S100A9: variants seen among roughly 807,000 people sequenced by gnomAD.
The protein encoded by S100A9 is S100 calcium binding protein A9, also known as protein S100-A9.
S100A9 carries 2 observed loss-of-function variants against 4.3 expected under a neutral mutation model. The observed-to-expected ratio is 0.47, with a 90% CI of 0.19 to 1.48. The LOEUF (loss-of-function observed/expected upper bound fraction) is 1.48, where lower values mean the gene tolerates loss of function less well. Ranked by LOEUF, S100A9 falls within the 40% of genes most tolerant of loss-of-function variation. The pLI, the probability that S100A9 is intolerant of heterozygous loss-of-function variation, is 0.24. For missense variants in S100A9, 130 were observed against 144.4 expected, an observed-to-expected ratio of 0.90 and a Z score of 0.51; for synonymous variants, 67 against 54.0, an observed-to-expected ratio of 1.24 and a Z score of -1.06.
At chr1:153,360,599 C>A (rs372883418) in intron 2 of S100A9, 45 bp from the exon 3 acceptor site, 15 of 1,390,436 alleles carry the variant, frequency 1.1e-5, no homozygotes, top group Non-Finnish European at 4.0e-6. Flanking sequence ...CAGTCCCCAC[C>A]TCTGGCCACA....
chr1:153,360,074 C>G (rs925707687), intron 2 of S100A9, among the ~76,000 whole-genome samples: 4 of 152,120 alleles, frequency 2.6e-5, no homozygotes, highest in African/African-American at 9.7e-5. Context: ...CTGCCCACAC[C>G]TAGTTTTTCT....
rs756359047 is a variant in S100A9, at chr1:153,360,795, C to T, written c.302C>T (p.Pro101Leu). The change falls in exon 3 of 3, where the codon CCT becomes CTT. Residue 101 changes from proline (P) to leucine (L), a missense_variant. Pro to Leu is a moderately conservative substitution (Grantham distance 98). Transcript: ENST00000368738. ...AAGATGCACGAGGGTGACGAGGGCC[C>T]TGGCCACCACCATAAGCCAGGCCTC... is the stretch of plus-strand genomic sequence containing the variant. Reference protein sequence around the residue: ...HEKMHEGDEGPGHHHKPGLGE... With the variant: ...HEKMHEGDEGLGHHHKPGLGE... 1 of 1,613,644 alleles carries T rather than the reference C, an allele frequency of 6.2e-7. No individual in the cohort carries two copies. Among genetic ancestry groups the T allele is most frequent in the African/African-American group, 1.3e-5 (1 of 75,036 alleles).
In S100A9 at chr1:153,360,834, C is replaced by G; in HGVS notation, c.341C>G (p.Pro114Arg). ...AAGCCAGGCCTCGGGGAGGGCACCC[C>G]CTAAGACCACAGTGGCCAAGATCAC... ...HHKPGLGEGT[P>R] Residue 114 changes from proline (P) to arginine (R), a missense_variant, in exon 3 of 3, where the codon CCC becomes CGC. Transcript: ENST00000368738. The G allele has an allele frequency of 6.3e-7, 1 of 1,598,688 alleles. No individual in the cohort carries two copies.
rs993345118 is a variant in S100A9 at position 153,358,289 on chromosome 1, T to C, written c.6T>C (p.Thr2=). 41 of 1,595,224 alleles carry C rather than the reference T, an allele frequency of 2.6e-5. No individual in the cohort carries two copies. Among genetic ancestry groups the C allele is most frequent in the Admixed American group, 1.0e-4 (6 of 58,174 alleles). The stretch of plus-strand genomic sequence containing the variant: ...CACAGACAGAGTGCAAGACGATGAC[T>C]TGCAAAATGTCGCAGCTGGAACGCA... The part of the protein sequence containing the change: M[T]CKMSQLERNI... The change falls in exon 2 of 3, where the codon ACT becomes ACC. Residue 2 remains threonine, a synonymous_variant. Transcript: ENST00000368738.
At chr1:153,359,597 C>T (rs1661410924) in intron 2 of S100A9, among the ~76,000 whole-genome samples, 1 of 151,618 alleles carries the variant, frequency 6.6e-6, no homozygotes, top group Non-Finnish European at 1.5e-5. Flanking sequence ...GTGACTCAGC[C>T]AGAGGGTGGC....
chr1:153,360,284 C>A (rs1214286744), intron 2 of S100A9, among the ~76,000 whole-genome samples: 9 of 152,120 alleles, frequency 5.9e-5, no homozygotes, highest in Admixed American at 5.9e-4. Context: ...GGTTTCAAGT[C>A]TTCCTCCAGG....
chr1:153,357,963 T>C (rs1398192539), intron 1 of S100A9, 82 bp downstream of exon 1: 2 of 181,984 alleles, frequency 1.1e-5, no homozygotes, highest in African/African-American at 4.7e-5. Flanking sequence ...TCCTTCCAAA[T>C]CCTCCTCCTA....
At position 153,358,260 on chromosome 1, in the gene S100A9, A is replaced by G; in HGVS notation, c.-15-9A>G. ...TAAGTGTCCCAACTCTTGGTTTTCC[A>G]TTACACAGACAGAGTGCAAGACGAT... On this transcript the variant is annotated splice_polypyrimidine_tract_variant and intron_variant, in intron 1 of 2. Coordinates refer to ENST00000368738, the MANE Select transcript of S100A9 (RefSeq NM_002965.4). 1 of 1,529,170 alleles carries G rather than the reference A, an allele frequency of 6.5e-7. No individual in the cohort carries two copies. Among genetic ancestry groups the G allele is most frequent in the Non-Finnish European group, 8.9e-7 (1 of 1,128,268 alleles). The allele number at this position is 1,529,170 out of a possible 1,614,324, so 94.7% of individuals were successfully genotyped here. A position where few individuals can be genotyped will look rare whatever the true frequency, so the allele number is the denominator to read the frequency against.
Position 153,360,997 on chromosome 1 carries a change from G to A in S100A9, c.*159G>A. Reference sequence around the variant, plus strand: ...TGTCTTGGCTGTGGGGCTAGGGGCTGGGGCCAAATAAAGTCTCTTCCTCCA... The same window carrying A: ...TGTCTTGGCTGTGGGGCTAGGGGCTAGGGCCAAATAAAGTCTCTTCCTCCA... On this transcript the variant is annotated 3_prime_UTR_variant, in exon 3 of 3. Coordinates refer to ENST00000368738, the MANE Select transcript of S100A9 (RefSeq NM_002965.4). The A allele has an allele frequency of 1.7e-6, 1 of 601,288 alleles. No individual in the cohort carries two copies. The highest frequency in any genetic ancestry group is 2.9e-6 in the Non-Finnish European group (1 of 339,792). 37.2% of individuals were successfully genotyped at this position (601,288 alleles called of 1,614,324 possible).
In S100A9 at chr1:153,358,386, G is replaced by A; in HGVS notation, c.103G>A (p.Gly35Arg). 3 of 1,613,164 alleles carry A rather than the reference G, an allele frequency of 1.9e-6. No homozygotes were observed. Among genetic ancestry groups the A allele is most frequent in the Non-Finnish European group, 2.5e-6 (3 of 1,179,424 alleles). Residue 35 changes from glycine to arginine, a missense_variant, in exon 2 of 3, where the codon GGG becomes AGG. Coordinates refer to ENST00000368738, the MANE Select transcript of S100A9 (RefSeq NM_002965.4). ...KLGHPDTLNQGEFKELVRKDL... is the reference protein window; with the variant it reads ...KLGHPDTLNQREFKELVRKDL... ...GGGGCACCCAGACACCCTGAACCAGGGGGAATTCAAAGAGCTGGTGCGAAA... is the reference window on the plus strand; with the variant it reads ...GGGGCACCCAGACACCCTGAACCAGAGGGAATTCAAAGAGCTGGTGCGAAA...
At position 153,360,935 on chromosome 1, in the gene S100A9, C is replaced by T. The variant is rs901418337; in HGVS notation, c.*97C>T. The T allele has an allele frequency of 3.8e-4, 364 of 963,884 alleles. No homozygotes were observed. The highest frequency in any genetic ancestry group is 5.2e-4 in the Non-Finnish European group (343 of 659,654). 59.7% of individuals were successfully genotyped at this position (963,884 alleles called of 1,614,324 possible). A position where few individuals can be genotyped will look rare whatever the true frequency, so the allele number is the denominator to read the frequency against. ...ATCAGGAGGCCAGGCCACCCTGCCT[C>T]TACCCAACCAGGGCCCCGGGGCCTG... On this transcript the variant is annotated 3_prime_UTR_variant, in exon 3 of 3. Coordinates refer to ENST00000368738, the MANE Select transcript of S100A9 (RefSeq NM_002965.4).
At chr1:153,358,609 C>G (rs897486350) in intron 2 of S100A9, among the ~76,000 whole-genome samples, 176 bp downstream of exon 2, 2 of 152,144 alleles carry the variant, frequency 1.3e-5, no homozygotes, top group African/African-American at 4.8e-5. Flanking sequence ...CACAGGACGA[C>G]AGGGTCAAGA....
At chr1:153,357,993 C>T (rs1661377531) in intron 1 of S100A9, 112 bp downstream of exon 1, 1 of 219,898 alleles carries the variant, frequency 4.5e-6, no homozygotes. Context: ...CTTGGTTGGC[C>T]CTGCCTACTT....
At chr1:153,359,961 T>C (rs1389939775) in intron 2 of S100A9, among the ~76,000 whole-genome samples, 2 of 152,052 alleles carry the variant, frequency 1.3e-5, no homozygotes, top group Non-Finnish European at 2.9e-5. Context: ...AGTGCTGGGA[T>C]TACAAGCATG....
In S100A9 at chr1:153,358,260, A is replaced by C. The variant is rs772124123; in HGVS notation, c.-15-9A>C. 4.4e-5 allele frequency: 68 copies of C among 1,529,052 alleles called. No homozygotes were observed. The highest frequency in any genetic ancestry group is 5.8e-5 in the Non-Finnish European group (66 of 1,128,276). 94.7% of individuals were successfully genotyped at this position (1,529,052 alleles called of 1,614,324 possible). On this transcript the variant is annotated splice_polypyrimidine_tract_variant and intron_variant, in intron 1 of 2. Transcript: ENST00000368738. The stretch of plus-strand genomic sequence containing the variant: ...TAAGTGTCCCAACTCTTGGTTTTCC[A>C]TTACACAGACAGAGTGCAAGACGAT...
In S100A9 at chr1:153,360,630, C is replaced by T; in HGVS notation, c.151-14C>T. The T allele has an allele frequency of 6.3e-7, 1 of 1,586,760 alleles. No individual in the cohort carries two copies. Among genetic ancestry groups the T allele is most frequent in the Non-Finnish European group, 8.6e-7 (1 of 1,160,788 alleles). ...CCACACCCAGCTCTCACAGCCTTCTCTCCCCACCCGCAGAAGGAGAATAAG... is the reference window on the plus strand; with the variant it reads ...CCACACCCAGCTCTCACAGCCTTCTTTCCCCACCCGCAGAAGGAGAATAAG... On this transcript the variant is annotated splice_polypyrimidine_tract_variant and intron_variant, in intron 2 of 2. Coordinates refer to ENST00000368738, the MANE Select transcript of S100A9 (RefSeq NM_002965.4).
At chr1:153,358,829 G>A (rs972649489) in intron 2 of S100A9, among the ~76,000 whole-genome samples, 6 of 151,942 alleles carry the variant, frequency 3.9e-5, no homozygotes, top group Admixed American at 2.6e-4. Flanking sequence ...TGGGGTGGAG[G>A]TGACCAGTTA....
At chr1:153,359,171 G>T (rs1661400345) in intron 2 of S100A9, among the ~76,000 whole-genome samples, 1 of 152,060 alleles carries the variant, frequency 6.6e-6, no homozygotes, top group Admixed American at 6.5e-5. Flanking sequence ...GGGAAAGTCG[G>T]GAAACAGAGG....
In S100A9 at chr1:153,360,995, C is replaced by A. The variant is rs1661442027; in HGVS notation, c.*157C>A. 1 of 604,318 alleles carries A rather than the reference C, an allele frequency of 1.7e-6. No individual in the cohort carries two copies. The highest frequency in any genetic ancestry group is 2.9e-6 in the Non-Finnish European group (1 of 341,876). 37.4% of individuals were successfully genotyped at this position (604,318 alleles called of 1,614,324 possible). On this transcript the variant is annotated 3_prime_UTR_variant, in exon 3 of 3. Coordinates refer to ENST00000368738, the MANE Select transcript of S100A9 (RefSeq NM_002965.4). The stretch of plus-strand genomic sequence containing the variant: ...ACTGTCTTGGCTGTGGGGCTAGGGG[C>A]TGGGGCCAAATAAAGTCTCTTCCTC...
Sources: allele counts gnomAD v4.1 joint callset (sites outside exome capture counted in the v4.1 genomes callset), GRCh38; gene constraint gnomAD v4.1.1; transcripts MANE v1.5; gene names NCBI Gene and HGNC (gene_info 2026-07-23, HGNC 2026-07-21).